PPP1R9A: variants seen among roughly 807,000 people sequenced by gnomAD.
PPP1R9A encodes protein phosphatase 1 regulatory subunit 9A.
Under a neutral mutation model 141.9 loss-of-function variants are expected in PPP1R9A, and 59 were observed. The ratio of observed to expected loss-of-function variants is 0.42; its 90% CI spans 0.34 to 0.52. The LOEUF is 0.52. Ranked by LOEUF, PPP1R9A falls within the 20% of genes least tolerant of loss-of-function variation. The pLI is 0.10. For synonymous variants in PPP1R9A, 500 were observed against 569.7 expected (o/e 0.88, Z 1.74); for missense variants, 1,444 against 1,611.9 (o/e 0.90, Z 1.78).
intron 2 of PPP1R9A, among the ~76,000 whole-genome samples, chr7:95,079,766 G>A (rs1293212116): frequency 2.6e-5 from 4 of 152,154 alleles, no homozygotes; most frequent in Non-Finnish European, 4.4e-5. Context: ...TCATCCCTGG[G>A]ATGCAAGGCT....
chr7:95,064,635 C>A (rs1013874184), intron 2 of PPP1R9A, among the ~76,000 whole-genome samples: 1 of 152,204 alleles, frequency 6.6e-6, no homozygotes, highest in African/African-American at 2.4e-5. Flanking sequence ...TCACTCTGAC[C>A]TGTCAGCAAA....
chr7:95,180,522 T>C (rs1258551416), intron 5 of PPP1R9A, among the ~76,000 whole-genome samples: 2 of 152,044 alleles, frequency 1.3e-5, no homozygotes, highest in Non-Finnish European at 2.9e-5. Context: ...CGAAGATAAA[T>C]AGCTGTGACT....
At chr7:95,120,118 G>A (rs369626065) in intron 3 of PPP1R9A, among the ~76,000 whole-genome samples, 4 of 151,596 alleles carry the variant, frequency 2.6e-5, no homozygotes, top group East Asian at 3.9e-4. Flanking sequence ...CCCCACACCC[G>A]GCTAACTTTT....
chr7:94,912,983 C>T (rs1562983063), intron 2 of PPP1R9A, among the ~76,000 whole-genome samples: 2 of 152,126 alleles, frequency 1.3e-5, no homozygotes, highest in Non-Finnish European at 2.9e-5. Context: ...TAAACTTTGC[C>T]ATTCGCATCC....
Position 95,056,421 on chromosome 7 carries a change from A to G in PPP1R9A, c.1396-54838A>G, listed in dbSNP as rs532052902. On this transcript the variant is annotated intron_variant, in intron 2 of 19. Transcript: ENST00000433360. ...GATAATTTCAGTATAACACTGGAGT[A>G]CTTTGAGCAGCATAGCAGATATATT... Among the ~76,000 whole-genome samples the G allele has an allele frequency of 2.6e-5, 4 of 152,300 alleles. No homozygotes were observed. In the East Asian group the frequency reaches 5.8e-4, roughly 22 times the overall value.
At chr7:95,035,752 A>G (rs182601935) in intron 2 of PPP1R9A, 13 of 152,338 alleles carry the variant, frequency 8.5e-5, no homozygotes, top group Non-Finnish European at 1.6e-4. Context: ...GCTTTCAGAA[A>G]ATGGTTTTAT....
At chr7:95,188,548 G>T (rs1383507162) in intron 5 of PPP1R9A, among the ~76,000 whole-genome samples, 3 of 114,758 alleles carry the variant, frequency 2.6e-5, no homozygotes, top group Non-Finnish European at 3.6e-5. Context: ...TGAATACTTT[G>T]TTTGTTTGTT....
intron 12 of PPP1R9A, among the ~76,000 whole-genome samples, chr7:95,256,468 C>T (rs935003270): frequency 5.3e-5 from 8 of 151,974 alleles, no homozygotes; most frequent in African/African-American, 1.9e-4. Flanking sequence ...GAGGAACTTC[C>T]ATAACTTGAT....
At chr7:94,920,290 A>T (rs2150705490) in intron 2 of PPP1R9A, among the ~76,000 whole-genome samples, 1 of 152,330 alleles carries the variant, frequency 6.6e-6, no homozygotes, top group Non-Finnish European at 1.5e-5. Context: ...ATAGTTGCTG[A>T]CATATTAATT....
intron 8 of PPP1R9A, among the ~76,000 whole-genome samples, chr7:95,231,571 T>C (rs1200308391): frequency 6.6e-6 from 1 of 152,018 alleles, no homozygotes; most frequent in Non-Finnish European, 1.5e-5. Flanking sequence ...TGAAATAAAA[T>C]TGGAAATCAA....
At position 95,291,039 on chromosome 7, in the gene PPP1R9A, G is replaced by A. The variant is rs548124485; in HGVS notation, c.*736G>A. 21 of 152,202 alleles carry A rather than the reference G, an allele frequency of 1.4e-4. 1 individual carries two copies. The highest frequency in any genetic ancestry group is 3.6e-4 in the African/African-American group (15 of 41,516). The allele number at this position is 152,202 out of a possible 1,614,324, so 9.4% of individuals were successfully genotyped here. Reference sequence around the variant, plus strand: ...AGGGTAATATTTATCCTCTAGATACGGCTGAACAAGAAAGAAAAAAATCAG... The same window carrying A: ...AGGGTAATATTTATCCTCTAGATACAGCTGAACAAGAAAGAAAAAAATCAG... On this transcript the variant is annotated 3_prime_UTR_variant, in exon 20 of 20. Transcript: ENST00000433360.
At chr7:95,041,786 A>G (rs572157933) in intron 2 of PPP1R9A, among the ~76,000 whole-genome samples, 1 of 152,160 alleles carries the variant, frequency 6.6e-6, no homozygotes, top group South Asian at 2.1e-4. Context: ...CATTATTACT[A>G]TACATTATTT....
chr7:95,152,522 C>G (rs1828884317), intron 4 of PPP1R9A, among the ~76,000 whole-genome samples: 1 of 152,148 alleles, frequency 6.6e-6, no homozygotes, highest in South Asian at 2.1e-4. Flanking sequence ...TTATTTAAAC[C>G]TTCCTCTCCT....
At chr7:95,060,180 A>C (rs1296533053) in intron 2 of PPP1R9A, among the ~76,000 whole-genome samples, 1 of 152,142 alleles carries the variant, frequency 6.6e-6, no homozygotes, top group African/African-American at 2.4e-5. Context: ...CCTGCCTTTC[A>C]TAGGCTGAGA....
At chr7:95,054,692 C>T (rs1811279662) in intron 2 of PPP1R9A, among the ~76,000 whole-genome samples, 1 of 152,130 alleles carries the variant, frequency 6.6e-6, no homozygotes, top group Non-Finnish European at 1.5e-5. Context: ...CCACATCTGA[C>T]CTTTTTCTCT....
chr7:95,273,031 T>C (rs1313504544), intron 14 of PPP1R9A, among the ~76,000 whole-genome samples: 1 of 152,188 alleles, frequency 6.6e-6, no homozygotes, highest in Non-Finnish European at 1.5e-5. Flanking sequence ...GGGTAGAGCC[T>C]GTCCGAGATG....
At chr7:95,081,248 A>C (rs1210252573) in intron 2 of PPP1R9A, among the ~76,000 whole-genome samples, 1 of 152,206 alleles carries the variant, frequency 6.6e-6, no homozygotes, top group African/African-American at 2.4e-5. Context: ...AGAAATTTCC[A>C]GGCATGCAAA....
At chr7:95,129,929 G>A (rs912946368) in intron 4 of PPP1R9A, among the ~76,000 whole-genome samples, 2 of 152,148 alleles carry the variant, frequency 1.3e-5, no homozygotes, top group African/African-American at 4.8e-5. Context: ...TGCTGTCAAA[G>A]GCACTCAGTT....
At chr7:95,069,728 C>A (rs1027398446) in intron 2 of PPP1R9A, among the ~76,000 whole-genome samples, 3 of 151,952 alleles carry the variant, frequency 2.0e-5, no homozygotes, top group African/African-American at 7.3e-5. Flanking sequence ...TCTTGAAAGC[C>A]CTTTATGTTT....
Sources: gnomAD v4.1 joint callset for allele counts (sites outside exome capture counted in the v4.1 genomes callset) on GRCh38, gnomAD v4.1.1 for gene constraint, MANE v1.5 for transcripts, NCBI Gene and HGNC (gene_info 2026-07-23, HGNC 2026-07-21) for gene names.